UBE3C: variants seen among roughly 807,000 people sequenced by gnomAD.
UBE3C encodes the protein ubiquitin-protein ligase E3C.
UBE3C carries 42 observed loss-of-function variants against 129.4 expected under a neutral mutation model. That is an observed-to-expected ratio of 0.32 (90% CI 0.25 to 0.42). The LOEUF is 0.42. Among genes scored for constraint, UBE3C ranks in the 10% least tolerant of loss-of-function variants. The pLI, the probability that UBE3C is intolerant of heterozygous loss-of-function variation, is 1.00. For synonymous variants in UBE3C, 510 were observed against 492.4 expected, an observed-to-expected ratio of 1.04 and a Z score of -0.47; for missense variants, 1,049 against 1,319.1, an observed-to-expected ratio of 0.80 and a Z score of 3.17.
At position 157,268,270 on chromosome 7, in the gene UBE3C, G is replaced by A. The variant is rs1376597747; in HGVS notation, c.*515G>A. The A allele has an allele frequency of 6.6e-6, 1 of 152,654 alleles. No individual in the cohort carries two copies. Among genetic ancestry groups the A allele is most frequent in the African/African-American group, 2.4e-5 (1 of 41,434 alleles). 9.5% of individuals were successfully genotyped at this position (152,654 alleles called of 1,614,324 possible). On this transcript the variant is annotated 3_prime_UTR_variant, in exon 23 of 23. Coordinates refer to ENST00000348165, the MANE Select transcript of UBE3C (RefSeq NM_014671.3). ...TTTTTTCTGCTGCCTTTCCCAAAGT[G>A]GTTAGGTTTGGAAAAGAGATGATGA...
chr7:157,172,095 C>G (rs964711849), intron 4 of UBE3C, among the ~76,000 whole-genome samples: 1 of 150,590 alleles, frequency 6.6e-6, no homozygotes, highest in African/African-American at 2.5e-5. Context: ...TGTAGTGGTG[C>G]GATCTCAGCT....
intron 21 of UBE3C, among the ~76,000 whole-genome samples, chr7:157,254,952 GGCGT>G: frequency 8.5e-6 from 1 of 117,832 alleles, no homozygotes; most frequent in African/African-American, 2.6e-5. Flanking sequence ...CCGGCGTGGT[GGCGT>G]ACACCTGCAG....
chr7:157,139,179 G>C lies in UBE3C; in HGVS notation c.-94G>C, dbSNP rs1182988384. ...GCGTCCTCGCTGCCCCGGGCCGGGC[G>C]GGCGGGCGCCGAGAGCCTCCCAGCC... On this transcript the variant is annotated 5_prime_UTR_variant, in exon 1 of 23. Coordinates refer to ENST00000348165, the MANE Select transcript of UBE3C (RefSeq NM_014671.3). 1.2e-5 allele frequency: 11 copies of C among 915,512 alleles called. No homozygotes were observed. Among genetic ancestry groups the C allele is most frequent in the Non-Finnish European group, 1.5e-5 (11 of 746,556 alleles). 56.7% of individuals were successfully genotyped at this position (915,512 alleles called of 1,614,324 possible).
intron 13 of UBE3C, among the ~76,000 whole-genome samples, chr7:157,216,619 G>A (rs947874896): frequency 1.3e-5 from 2 of 151,986 alleles, no homozygotes; most frequent in African/African-American, 4.8e-5. Flanking sequence ...CGCCACCTCC[G>A]TTGTAACTTA....
intron 10 of UBE3C, 30 bp downstream of exon 10, chr7:157,187,051 G>A (rs1261032159): frequency 6.4e-7 from 1 of 1,557,210 alleles, no homozygotes; most frequent in Non-Finnish European, 8.7e-7. Flanking sequence ...TGTGCCAGGG[G>A]GTGCCAGCCA....
chr7:157,170,354 C>T lies in UBE3C; in HGVS notation c.246C>T (p.Ser82=), dbSNP rs192606148. 5.4e-5 allele frequency: 85 copies of T among 1,576,882 alleles called. 3 individuals carry two copies. In the South Asian group the frequency reaches 5.7e-4, roughly 11 times the overall value. ...ATCGCTGTGCTACCTTGTCACAGTC[C>T]GGGGGCGCTTTTCCCATTGCTAATG... ...AFDRCATLSQ[S]GGAFPIANGP... The change falls in exon 4 of 23, where the codon TCC becomes TCT. Residue 82 remains serine, a synonymous_variant. Transcript: ENST00000348165.
chr7:157,235,728 T>G (rs181801251), intron 18 of UBE3C, among the ~76,000 whole-genome samples: 1 of 152,330 alleles, frequency 6.6e-6, no homozygotes, highest in African/African-American at 2.4e-5. Context: ...AAGAGTAATT[T>G]GAGGATGGTA....
intron 11 of UBE3C, among the ~76,000 whole-genome samples, chr7:157,205,807 AAC>A (rs1372015071): frequency 2.6e-5 from 4 of 152,146 alleles, no homozygotes; most frequent in Admixed American, 2.0e-4. Flanking sequence ...TCTCTGTGGG[AAC>A]ACAGTTTCAG....
chr7:157,239,477 A>G (rs535972510), intron 18 of UBE3C, among the ~76,000 whole-genome samples: 6 of 152,316 alleles, frequency 3.9e-5, no homozygotes, highest in African/African-American at 1.4e-4. Context: ...CCAAGGTGCT[A>G]GGCATTTTCT....
At chr7:157,259,913 G>A (rs917514366) in intron 22 of UBE3C, among the ~76,000 whole-genome samples, 2 of 152,186 alleles carry the variant, frequency 1.3e-5, no homozygotes, top group African/African-American at 4.8e-5. Context: ...CTCAGTTAGT[G>A]CCCTCAGAAC....
chr7:157,197,994 TG>T, intron 10 of UBE3C: 1 of 1,608,376 alleles, frequency 6.2e-7, no homozygotes, highest in East Asian at 2.2e-5. Context: ...TTCTTGATCC[TG>T]ATGGTCCTCC....
intron 19 of UBE3C, among the ~76,000 whole-genome samples, chr7:157,248,885 G>T (rs1376491484): frequency 3.9e-5 from 6 of 152,128 alleles, no homozygotes; most frequent in African/African-American, 1.4e-4. Flanking sequence ...GCTGGGGGTG[G>T]CCGTTCAGCA....
intron 17 of UBE3C, among the ~76,000 whole-genome samples, chr7:157,226,281 C>T (rs1159599743): frequency 1.3e-5 from 2 of 152,108 alleles, no homozygotes; most frequent in Non-Finnish European, 1.5e-5. Context: ...ATGACACTGC[C>T]GTTAGTAAAG....
At position 157,201,805 on chromosome 7, in the gene UBE3C, A is replaced by G. The variant is rs1469847322; in HGVS notation, c.1416A>G (p.Thr472=). The change falls in exon 11 of 23, where the codon ACA becomes ACG. Residue 472 remains threonine (T), a splice_region_variant and synonymous_variant. Transcript: ENST00000348165. ...LISSMSTRMI[T]GSMVPLLQVI... ...CTTCCATGTCAACACGGATGATCAC[A>G]GGGTATGTATTATACAGACTTATAA... 3 of 1,607,622 alleles carry G rather than the reference A, an allele frequency of 1.9e-6. No homozygotes were observed. In the Admixed American group the frequency reaches 5.1e-5, roughly 27 times the overall value.
intron 19 of UBE3C, among the ~76,000 whole-genome samples, chr7:157,249,533 G>A (rs1259752924): frequency 1.3e-5 from 2 of 152,132 alleles, no homozygotes; most frequent in East Asian, 3.9e-4. Flanking sequence ...GGCTGGTCTC[G>A]AACTCCCGAC....
At chr7:157,265,913 T>C (rs907466724) in intron 22 of UBE3C, among the ~76,000 whole-genome samples, 2 of 152,244 alleles carry the variant, frequency 1.3e-5, no homozygotes, top group African/African-American at 4.8e-5. Flanking sequence ...ATCATCTTTC[T>C]TTTTTGTTAA....
intron 1 of UBE3C, among the ~76,000 whole-genome samples, chr7:157,140,684 A>G (rs973455094): frequency 3.3e-5 from 5 of 152,074 alleles, no homozygotes; most frequent in African/African-American, 9.7e-5. Flanking sequence ...ACTCCATGCC[A>G]TTTACACAGC....
chr7:157,186,785 G>A (rs140362908), intron 9 of UBE3C, 49 bp from the exon 10 acceptor site: 237 of 1,598,816 alleles, frequency 1.5e-4, no homozygotes, highest in African/African-American at 1.4e-3. Context: ...TGTAGAGGAC[G>A]TTCCAGTTGA....
At position 157,267,815 on chromosome 7, in the gene UBE3C, C is replaced by G; in HGVS notation, c.*60C>G. 1 of 1,459,172 alleles carries G rather than the reference C, an allele frequency of 6.9e-7. No homozygotes were observed. 90.4% of individuals were successfully genotyped at this position (1,459,172 alleles called of 1,614,324 possible). ...AGTGCTTCCTTCGTCAGCAGCGCCTCCCCAGACCCACGAGGATACTCACAC... is the reference window on the plus strand; with the variant it reads ...AGTGCTTCCTTCGTCAGCAGCGCCTGCCCAGACCCACGAGGATACTCACAC... On this transcript the variant is annotated 3_prime_UTR_variant, in exon 23 of 23. Transcript: ENST00000348165.
Sources: allele counts gnomAD v4.1 joint callset (sites outside exome capture counted in the v4.1 genomes callset), GRCh38; gene constraint gnomAD v4.1.1; transcripts MANE v1.5; gene names NCBI Gene and HGNC (gene_info 2026-07-23, HGNC 2026-07-21).